Variants in TMEM163 observed in about 807,000 individuals in gnomAD.
The protein encoded by TMEM163 is transmembrane protein 163.
TMEM163 carries 17 observed loss-of-function variants against 29.3 expected under a neutral mutation model. The observed-to-expected ratio is 0.58, with a 90% CI of 0.40 to 0.87. The LOEUF (loss-of-function observed/expected upper bound fraction) is 0.87. Ranked by LOEUF, TMEM163 falls within the 40% of genes least tolerant of loss-of-function variation. TMEM163 has a pLI of 0.00. For missense variants in TMEM163, 303 were observed against 381.5 expected, an observed-to-expected ratio of 0.79 and a Z score of 1.71; for synonymous variants, 157 against 160.6, an observed-to-expected ratio of 0.98 and a Z score of 0.17.
At chr2:134,589,605 C>T (rs1337008410) in intron 2 of TMEM163, among the ~76,000 whole-genome samples, 1 of 152,108 alleles carries the variant, frequency 6.6e-6, no homozygotes, top group African/African-American at 2.4e-5. Flanking sequence ...GAGGAGGAAC[C>T]CTCAGTTCTG....
chr2:134,567,383 C>T (rs535106589), intron 2 of TMEM163, among the ~76,000 whole-genome samples: 1 of 142,362 alleles, frequency 7.0e-6, no homozygotes, highest in South Asian at 2.1e-4. Context: ...TCCTGATTTG[C>T]CAATATTCAC....
chr2:134,590,121 C>CTT (rs35314489), intron 2 of TMEM163, among the ~76,000 whole-genome samples: 2 of 147,892 alleles, frequency 1.4e-5, no homozygotes, highest in African/African-American at 5.0e-5. Context: ...CCAACTGATT[C>CTT]TTTTTTTTTT....
intron 2 of TMEM163, among the ~76,000 whole-genome samples, chr2:134,661,379 T>A (rs905981769): frequency 2.0e-5 from 3 of 152,198 alleles, no homozygotes; most frequent in African/African-American, 4.8e-5. Context: ...CAGACACACA[T>A]ACACATGCAT....
At chr2:134,627,409 T>A (rs574848415) in intron 2 of TMEM163, among the ~76,000 whole-genome samples, 1 of 152,206 alleles carries the variant, frequency 6.6e-6, no homozygotes, top group Non-Finnish European at 1.5e-5. Flanking sequence ...ATATCTTGCC[T>A]TATGTTGACT....
intron 5 of TMEM163, among the ~76,000 whole-genome samples, chr2:134,482,405 C>G (rs527880789): frequency 1.3e-5 from 2 of 152,274 alleles, no homozygotes; most frequent in East Asian, 3.9e-4. Context: ...AAGACCAACA[C>G]TTCCTTTTTC....
chr2:134,480,298 T>G (rs966570786), intron 5 of TMEM163, among the ~76,000 whole-genome samples: 3 of 152,168 alleles, frequency 2.0e-5, no homozygotes, highest in Admixed American at 6.5e-5. Flanking sequence ...TGCCACTCTC[T>G]CTGCCTGGAG....
intron 7 of TMEM163, among the ~76,000 whole-genome samples, chr2:134,457,295 GTGTATACCAAGGACTGGAAGTGC>G (rs1472337841): frequency 6.6e-6 from 1 of 152,190 alleles, no homozygotes; most frequent in African/African-American, 2.4e-5. Flanking sequence ...TCCTCCCGCA[GTGTATACCAAGGACTGGAAGTGC>G]TGGGGCGAAT....
chr2:134,560,868 T>A (rs1372955227), intron 2 of TMEM163, among the ~76,000 whole-genome samples: 2 of 152,194 alleles, frequency 1.3e-5, no homozygotes, highest in Non-Finnish European at 2.9e-5. Flanking sequence ...ATGGGCAGGA[T>A]GCCTGCCACT....
chr2:134,615,652 T>C (rs1682593161), intron 2 of TMEM163, among the ~76,000 whole-genome samples: 1 of 24,346 alleles, frequency 4.1e-5, no homozygotes, highest in Non-Finnish European at 9.8e-5. Flanking sequence ...AGAGCAGAGC[T>C]TTTTTTTTTT....
At chr2:134,591,016 G>C (rs2104802043) in intron 2 of TMEM163, among the ~76,000 whole-genome samples, 1 of 152,232 alleles carries the variant, frequency 6.6e-6, no homozygotes, top group Middle Eastern at 3.4e-3. Flanking sequence ...GTGCAGTAAG[G>C]GGAACAAAGC....
Position 134,466,201 on chromosome 2 carries a change from T to C in TMEM163, c.580A>G (p.Ile194Val), listed in dbSNP as rs1427806044. 2 of 1,613,830 alleles carry C rather than the reference T, an allele frequency of 1.2e-6. No individual in the cohort carries two copies. Among genetic ancestry groups the C allele is most frequent in the East Asian group, 4.5e-5 (2 of 44,884 alleles). The change falls in exon 6 of 8, where the codon ATT (isoleucine) becomes GTT (valine). Residue 194 changes from isoleucine (I) to valine (V), a missense_variant. This residue lies in a region of TMEM163 where 203 missense variants were observed against 294.3 expected (regional missense o/e 0.69). Transcript: ENST00000281924. Reference sequence around the variant, plus strand: ...ATGCTGCAAAGAATCCCACTTAAAATGGAGACACTGAACAGGAAATCGTCC... The same window carrying C: ...ATGCTGCAAAGAATCCCACTTAAAACGGAGACACTGAACAGGAAATCGTCC... ...EVDDFLFSVS[I>V]LSGILCSILA...
intron 5 of TMEM163, among the ~76,000 whole-genome samples, chr2:134,497,082 A>C (rs1679583767): frequency 6.6e-6 from 1 of 152,162 alleles, no homozygotes; most frequent in African/African-American, 2.4e-5. Context: ...CAGGCTTGAC[A>C]AAAAAAGCTC....
chr2:134,471,817 T>C (rs930717690), intron 5 of TMEM163, among the ~76,000 whole-genome samples: 1 of 152,226 alleles, frequency 6.6e-6, no homozygotes, highest in Non-Finnish European at 1.5e-5. Context: ...AGAGGCTAAA[T>C]GACTTTCCCA....
chr2:134,717,069 G>A (rs924124772), intron 1 of TMEM163, among the ~76,000 whole-genome samples: 6 of 152,088 alleles, frequency 3.9e-5, no homozygotes, highest in African/African-American at 1.2e-4. Context: ...GAATTCAGAA[G>A]GGCTTTTTAC....
At chr2:134,571,470 GAA>G (rs1010794557) in intron 2 of TMEM163, among the ~76,000 whole-genome samples, 1 of 149,000 alleles carries the variant, frequency 6.7e-6, no homozygotes, top group Non-Finnish European at 1.5e-5. Context: ...TTTTTACTCC[GAA>G]AAAAAAAATC....
chr2:134,523,041 T>C (rs1024168051), intron 4 of TMEM163, among the ~76,000 whole-genome samples: 1 of 152,218 alleles, frequency 6.6e-6, no homozygotes, highest in Non-Finnish European at 1.5e-5. Context: ...CGACTCCACA[T>C]TCAATCTGCT....
At chr2:134,505,079 G>A (rs1679790403) in intron 4 of TMEM163, among the ~76,000 whole-genome samples, 1 of 152,008 alleles carries the variant, frequency 6.6e-6, no homozygotes, top group Non-Finnish European at 1.5e-5. Context: ...ATCAGGATAG[G>A]CCTCCAAGGT....
intron 2 of TMEM163, among the ~76,000 whole-genome samples, chr2:134,705,585 G>A (rs1456791941): frequency 6.6e-6 from 1 of 152,154 alleles, no homozygotes; most frequent in East Asian, 1.9e-4. Flanking sequence ...GTAGGAGCAG[G>A]GGTTCCCTTC....
At chr2:134,495,070 AG>A (rs1374382141) in intron 5 of TMEM163, among the ~76,000 whole-genome samples, 3 of 152,146 alleles carry the variant, frequency 2.0e-5, no homozygotes, top group African/African-American at 7.2e-5. Flanking sequence ...GGGCAGGCTG[AG>A]GGGTGGTGGG....
Sources: gnomAD v4.1 joint callset for allele counts (sites outside exome capture counted in the v4.1 genomes callset) on GRCh38, gnomAD v4.1.1 for gene constraint, gnomAD v4.1.1 regional missense constraint, MANE v1.5 for transcripts, NCBI Gene and HGNC (gene_info 2026-07-23, HGNC 2026-07-21) for gene names.